Variants in LGR6 observed in about 807,000 individuals in gnomAD.
The protein encoded by LGR6 is leucine rich repeat containing G protein-coupled receptor 6.
A neutral mutation model predicts 69.4 loss-of-function variants in LGR6; 45 were observed. The observed-to-expected ratio is 0.65, with a 90% confidence interval of 0.51 to 0.83. LGR6 has a LOEUF of 0.83. Ranked by LOEUF, LGR6 falls within the 40% of genes least tolerant of loss-of-function variation. LGR6 has a pLI of 0.00. For synonymous variants in LGR6, 538 were observed against 555.0 expected, an observed-to-expected ratio of 0.97 and a Z score of 0.43; for missense variants, 1,108 against 1,246.7, an observed-to-expected ratio of 0.89 and a Z score of 1.68.
At chr1:202,294,272 G>A (rs1189414113) in intron 6 of LGR6, among the ~76,000 whole-genome samples, 1 of 152,214 alleles carries the variant, frequency 6.6e-6, no homozygotes, top group Non-Finnish European at 1.5e-5. Context: ...TTCTAATTGG[G>A]TGAGAAGAAA....
At chr1:202,289,028 C>T (rs968525925) in intron 6 of LGR6, among the ~76,000 whole-genome samples, 2 of 152,152 alleles carry the variant, frequency 1.3e-5, no homozygotes, top group African/African-American at 2.4e-5. Context: ...ATATCTTAAG[C>T]GTGGCAAAGG....
intron 1 of LGR6, among the ~76,000 whole-genome samples, chr1:202,207,828 G>C (rs1405291595): frequency 6.6e-6 from 1 of 152,204 alleles, no homozygotes; most frequent in Non-Finnish European, 1.5e-5. Context: ...CCATTCAATG[G>C]ATGTTAGCTA....
chr1:202,300,389 CA>C (rs1177863009), intron 7 of LGR6, among the ~76,000 whole-genome samples: 2 of 152,190 alleles, frequency 1.3e-5, no homozygotes, highest in African/African-American at 4.8e-5. Flanking sequence ...TGCAGTGGCT[CA>C]CACCTGTAAT....
intron 13 of LGR6, 103 bp downstream of exon 13, chr1:202,307,042 C>A: frequency 2.0e-6 from 2 of 1,016,008 alleles, no homozygotes; most frequent in South Asian, 1.3e-5. Flanking sequence ...GCAAATGTGA[C>A]ATGCACATCG....
rs755097128 is a variant in LGR6, at chr1:202,304,672, C to T, written c.1070+42C>T. The T allele has an allele frequency of 6.0e-6, 9 of 1,511,582 alleles. No individual in the cohort carries two copies. In the Admixed American group the frequency reaches 1.5e-4, roughly 25 times the overall value. 93.6% of individuals were successfully genotyped at this position (1,511,582 alleles called of 1,614,324 possible). A position where few individuals can be genotyped will look rare whatever the true frequency, so the allele number is the denominator to read the frequency against. On this transcript the variant is annotated intron_variant, in intron 11 of 17. Transcript: ENST00000367278. ...ATTCTACAGTCTTGGCATTGTGCCC[C>T]TACCCCCATGTCCCACAAAAGGCCT...
intron 6 of LGR6, among the ~76,000 whole-genome samples, chr1:202,281,526 G>A (rs1666006084): frequency 6.6e-6 from 1 of 152,138 alleles, no homozygotes; most frequent in Non-Finnish European, 1.5e-5. Flanking sequence ...GGCTGAGTGG[G>A]CCCCACTTGA....
At chr1:202,227,172 G>A (rs1280726570) in intron 2 of LGR6, among the ~76,000 whole-genome samples, 1 of 152,098 alleles carries the variant, frequency 6.6e-6, no homozygotes, top group Non-Finnish European at 1.5e-5. Context: ...AGAGATATAT[G>A]TTTTAAAAAT....
At chr1:202,300,306 C>G (rs956587257) in intron 7 of LGR6, among the ~76,000 whole-genome samples, 1 of 152,138 alleles carries the variant, frequency 6.6e-6, no homozygotes, top group African/African-American at 2.4e-5. Context: ...AGCCATGTCT[C>G]CACCCCTCAC....
rs577582058 is a variant in LGR6, at chr1:202,214,342, G to A, written c.213-11081G>A. 5 of 1,177,286 alleles carry A rather than the reference G, an allele frequency of 4.2e-6. No individual in the cohort carries two copies. The East Asian group carries it at 9.3e-5, about 22-fold the overall frequency. 72.9% of individuals were successfully genotyped at this position (1,177,286 alleles called of 1,614,324 possible). A position where few individuals can be genotyped will look rare whatever the true frequency, so the allele number is the denominator to read the frequency against. The stretch of plus-strand genomic sequence containing the variant: ...GACGCGACGGGTGGGGCGCTACCCG[G>A]GCCGGCCCTAATCCCCTTCCATTGT... On this transcript the variant is annotated intron_variant, in intron 1 of 17. Coordinates refer to ENST00000367278, the MANE Select transcript of LGR6 (RefSeq NM_001017403.2).
chr1:202,273,076 C>T (rs1283126941), intron 4 of LGR6, among the ~76,000 whole-genome samples: 1 of 152,174 alleles, frequency 6.6e-6, no homozygotes, highest in Admixed American at 6.5e-5. Flanking sequence ...AGATTTAAGC[C>T]CTGCAGCTTA....
chr1:202,206,570 G>T (rs1659239374), intron 1 of LGR6, among the ~76,000 whole-genome samples: 1 of 151,922 alleles, frequency 6.6e-6, no homozygotes, highest in South Asian at 2.1e-4. Flanking sequence ...ATTTTTTCGA[G>T]ACAGGATCTT....
At chr1:202,223,388 A>G (rs1448353707) in intron 1 of LGR6, among the ~76,000 whole-genome samples, 3 of 152,112 alleles carry the variant, frequency 2.0e-5, no homozygotes, top group Non-Finnish European at 2.9e-5. Context: ...CAGTCTTTTT[A>G]TAGATTGGAA....
At chr1:202,235,229 C>A (rs77391939) in intron 3 of LGR6, among the ~76,000 whole-genome samples, 20,909 of 152,192 alleles carry the variant, frequency 0.14, 1,888 homozygotes, top group Non-Finnish European at 0.21. Context: ...TTCCCAGGTG[C>A]CCTGAGGAGC....
intron 4 of LGR6, among the ~76,000 whole-genome samples, chr1:202,255,243 C>G (rs1390871323): frequency 3.9e-5 from 6 of 152,190 alleles, no homozygotes; most frequent in African/African-American, 1.2e-4. Flanking sequence ...ACCTAGCTGT[C>G]CATAGTGGAC....
intron 6 of LGR6, among the ~76,000 whole-genome samples, chr1:202,285,848 G>A (rs566651720): frequency 2.6e-5 from 4 of 152,162 alleles, no homozygotes; most frequent in Non-Finnish European, 5.9e-5. Flanking sequence ...CAGTTCTAGA[G>A]GTCAGAAGTC....
At chr1:202,204,439 A>C in intron 1 of LGR6, among the ~76,000 whole-genome samples, 1 of 84,138 alleles carries the variant, frequency 1.2e-5, no homozygotes, top group South Asian at 5.7e-4. Context: ...AAACACACAC[A>C]CACACCTCCA....
At chr1:202,202,841 CT>C (rs1403480733) in intron 1 of LGR6, among the ~76,000 whole-genome samples, 3 of 152,240 alleles carry the variant, frequency 2.0e-5, no homozygotes, top group African/African-American at 7.2e-5. Context: ...TGCCACCATC[CT>C]TTCCCCTTTG....
chr1:202,197,179 C>G lies in LGR6; in HGVS notation c.212+2978C>G, dbSNP rs1232149160. 1.6e-5 allele frequency: 8 copies of G among 504,660 alleles called. No individual in the cohort carries two copies. In the Admixed American group the frequency reaches 1.7e-4, roughly 11 times the overall value. The allele number at this position is 504,660 out of a possible 1,614,324, so 31.3% of individuals were successfully genotyped here. On this transcript the variant is annotated intron_variant, in intron 1 of 17. Transcript: ENST00000367278. Reference sequence around the variant, plus strand: ...ATAAAAATGACATCACATCTCTTCCCCCACTCCACGGCTGTGAGATTTTCT... The same window carrying G: ...ATAAAAATGACATCACATCTCTTCCGCCACTCCACGGCTGTGAGATTTTCT...
At chr1:202,203,817 G>A (rs777046961) in intron 1 of LGR6, 3 of 1,613,890 alleles carry the variant, frequency 1.9e-6, no homozygotes, top group Non-Finnish European at 1.7e-6. Flanking sequence ...CACAGGCCAA[G>A]GAATGGGAAG....
Sources: allele counts gnomAD v4.1 joint callset (sites outside exome capture counted in the v4.1 genomes callset), GRCh38; gene constraint gnomAD v4.1.1; transcripts MANE v1.5; gene names NCBI Gene and HGNC (gene_info 2026-07-23, HGNC 2026-07-21).